The following CCDC7 variants were observed in gnomAD, a reference collection of about 807,000 sequenced individuals.
CCDC7 encodes coiled-coil domain-containing protein 7.
Under a neutral mutation model 196.9 loss-of-function variants are expected in CCDC7, and 183 were observed. The ratio of observed to expected loss-of-function variants is 0.93; its 90% CI spans 0.82 to 1.05. The LOEUF (loss-of-function observed/expected upper bound fraction) is 1.05. CCDC7 is among the 50% of genes least tolerant of loss of function. The pLI, the probability that CCDC7 is intolerant of heterozygous loss-of-function variation, is 0.00. For synonymous variants in CCDC7, 525 were observed against 484.6 expected, an observed-to-expected ratio of 1.08 and a Z score of -1.10; for missense variants, 1,540 against 1,482.2, an observed-to-expected ratio of 1.04 and a Z score of -0.64.
rs35146963 is a variant in CCDC7, at chr10:32,813,094, G to GCAA, written c.3098-1251_3098-1249dup. Among the ~76,000 whole-genome samples, 858 of 151,232 alleles carry GCAA rather than the reference G, an allele frequency of 5.7e-3. 5 individuals carry two copies. The highest frequency in any genetic ancestry group is 0.014 in the Middle Eastern group (4 of 292). On this transcript the variant is annotated intron_variant, in intron 30 of 41. Transcript: ENST00000639629. The stretch of plus-strand genomic sequence containing the variant: ...TGTATTCACCAATTTTCCCAAAACA[G>GCAA]CAACAACAACAACAACAACAACAAC...
At chr10:32,740,432 T>C (rs550737555) in intron 28 of CCDC7, among the ~76,000 whole-genome samples, 1 of 152,186 alleles carries the variant, frequency 6.6e-6, no homozygotes, top group Non-Finnish European at 1.5e-5. Context: ...TGGCTTTTTT[T>C]CCAACCAAAT....
At chr10:32,828,947 C>G (rs1001238632) in intron 32 of CCDC7, among the ~76,000 whole-genome samples, 1 of 152,114 alleles carries the variant, frequency 6.6e-6, no homozygotes, top group Non-Finnish European at 1.5e-5. Context: ...GGAGACACAA[C>G]AACAATTCAA....
At chr10:32,770,913 A>T (rs2079067809) in intron 28 of CCDC7, among the ~76,000 whole-genome samples, 1 of 151,920 alleles carries the variant, frequency 6.6e-6, no homozygotes, top group Admixed American at 6.6e-5. Flanking sequence ...ACTCTTGCTC[A>T]CTTTTGGTTT....
Position 32,709,688 on chromosome 10 carries a change from G to A in CCDC7, c.2459-1932G>A, listed in dbSNP as rs150505429. 1.2e-3 allele frequency among the ~76,000 whole-genome samples: 179 copies of A among 152,180 alleles called. 1 individual carries two copies. Among genetic ancestry groups the A allele is most frequent in the African/African-American group, 4.1e-3 (169 of 41,520 alleles). On this transcript the variant is annotated intron_variant, in intron 24 of 41. Coordinates refer to ENST00000639629, the Ensembl canonical transcript of CCDC7. ...CTGCTCACCTACTGCTGTGTGACCC[G>A]GTTTCTAACAGGCCAGAGACCAGTA...
intron 28 of CCDC7, among the ~76,000 whole-genome samples, chr10:32,737,464 G>A (rs1176780739): frequency 6.6e-6 from 1 of 152,148 alleles, no homozygotes; most frequent in African/African-American, 2.4e-5. Flanking sequence ...GTCTTACTGA[G>A]TGTTCCACAG....
intron 25 of CCDC7, among the ~76,000 whole-genome samples, chr10:32,715,012 GAGC>G (rs1329339464): frequency 6.6e-6 from 1 of 152,230 alleles, no homozygotes; most frequent in Admixed American, 6.5e-5. Flanking sequence ...GCTTTGAAGA[GAGC>G]AGCAGATCTC....
chr10:32,591,980 TA>T (rs1025254160), intron 18 of CCDC7, among the ~76,000 whole-genome samples: 6 of 152,078 alleles, frequency 3.9e-5, no homozygotes, highest in Non-Finnish European at 8.8e-5. Context: ...AGATAGTTGT[TA>T]AATTTGGTGC....
intron 28 of CCDC7, among the ~76,000 whole-genome samples, chr10:32,767,606 C>T (rs982113396): frequency 5.3e-5 from 8 of 151,888 alleles, no homozygotes. Flanking sequence ...CAAGAGAGCA[C>T]TTTCATGGAA....
chr10:32,465,820 T>C lies in CCDC7; in HGVS notation c.510+2771T>C, dbSNP rs916576411. The stretch of plus-strand genomic sequence containing the variant: ...CCTCAGATGCAATGGGTCAGAAATA[T>C]GAATTTTTACTCCTAAACTCATATC... On this transcript the variant is annotated intron_variant, in intron 5 of 41. Coordinates refer to ENST00000639629, the Ensembl canonical transcript of CCDC7. 2.6e-5 allele frequency among the ~76,000 whole-genome samples: 4 copies of C among 152,312 alleles called. No individual in the cohort carries two copies. In the South Asian group the frequency reaches 8.3e-4, roughly 32 times the overall value.
At chr10:32,681,988 C>CA (rs2075922092) in intron 21 of CCDC7, among the ~76,000 whole-genome samples, 1 of 152,096 alleles carries the variant, frequency 6.6e-6, no homozygotes, top group Non-Finnish European at 1.5e-5. Flanking sequence ...ATCCACAACA[C>CA]AATTACCCAA....
Position 32,685,014 on chromosome 10 carries a change from T to C in CCDC7, c.2123-956T>C, listed in dbSNP as rs141322110. On this transcript the variant is annotated intron_variant, in intron 21 of 41. Transcript: ENST00000639629. ...AAACTGATTCCAAAAGTAAAAAATATGCGAGGTATACTTAGAGAAGTTCCA... is the reference window on the plus strand; with the variant it reads ...AAACTGATTCCAAAAGTAAAAAATACGCGAGGTATACTTAGAGAAGTTCCA... Among the ~76,000 whole-genome samples the C allele has an allele frequency of 1.6e-3, 240 of 152,218 alleles. 2 individuals are homozygous for C. The highest frequency in any genetic ancestry group is 4.2e-3 in the African/African-American group (176 of 41,550).
intron 5 of CCDC7, among the ~76,000 whole-genome samples, chr10:32,464,985 T>A (rs2036451488): frequency 6.6e-6 from 1 of 152,214 alleles, no homozygotes; most frequent in Non-Finnish European, 1.5e-5. Context: ...AAAAATTATT[T>A]TGTATGCAAA....
chr10:32,800,722 G>A (rs2084615849), intron 29 of CCDC7, among the ~76,000 whole-genome samples: 1 of 152,136 alleles, frequency 6.6e-6, no homozygotes. Context: ...TTCCTCAAGG[G>A]GATCCAGCCT....
At chr10:32,796,678 AC>A (rs2134830699) in intron 29 of CCDC7, among the ~76,000 whole-genome samples, 1 of 152,294 alleles carries the variant, frequency 6.6e-6, no homozygotes, top group Non-Finnish European at 1.5e-5. Context: ...CCATCAGAGG[AC>A]CTTTGCACTT....
chr10:32,720,092 C>T (rs1258888445), intron 25 of CCDC7, among the ~76,000 whole-genome samples: 6 of 152,070 alleles, frequency 3.9e-5, no homozygotes, highest in Admixed American at 6.6e-5. Context: ...CACATGCACA[C>T]GTATGTTTAT....
intron 29 of CCDC7, among the ~76,000 whole-genome samples, chr10:32,785,155 C>T (rs1481403926): frequency 6.6e-6 from 1 of 152,182 alleles, no homozygotes; most frequent in Non-Finnish European, 1.5e-5. Flanking sequence ...ATAAATCCTT[C>T]TGTGCTAGAC....
At chr10:32,697,948 C>G (rs2078002118) in intron 24 of CCDC7, among the ~76,000 whole-genome samples, 2 of 152,170 alleles carry the variant, frequency 1.3e-5, no homozygotes, top group Non-Finnish European at 2.9e-5. Flanking sequence ...CCACAAACAG[C>G]TGGCAGCCCC....
chr10:32,622,404 G>C (rs192988393), intron 18 of CCDC7, among the ~76,000 whole-genome samples: 4 of 151,652 alleles, frequency 2.6e-5, no homozygotes, highest in African/African-American at 9.7e-5. Context: ...AACTCCATTC[G>C]AGCCTTCTCC....
chr10:32,784,432 G>A (rs1309072431), intron 29 of CCDC7, among the ~76,000 whole-genome samples: 1 of 152,076 alleles, frequency 6.6e-6, no homozygotes. Context: ...CTGTGTCCAT[G>A]TGTTCTCATT....
Sources: allele counts gnomAD v4.1 joint callset (sites outside exome capture counted in the v4.1 genomes callset), GRCh38; gene constraint gnomAD v4.1.1; transcripts MANE v1.5; gene names NCBI Gene and HGNC (gene_info 2026-07-23, HGNC 2026-07-21).